The following ZMIZ1 variants were observed in gnomAD, a reference collection of about 807,000 sequenced individuals.
ZMIZ1 encodes zinc finger MIZ domain-containing protein 1.
A neutral mutation model predicts 113.9 loss-of-function variants in ZMIZ1; 17 were observed. That is an observed-to-expected ratio of 0.15 (90% CI 0.10 to 0.22). ZMIZ1 has a LOEUF of 0.22. Ranked by LOEUF, ZMIZ1 falls within the 10% of genes least tolerant of loss-of-function variation. The pLI is 1.00. For missense variants in ZMIZ1, 1,059 were observed against 1,477.8 expected (o/e 0.72, Z 4.65); for synonymous variants, 607 against 603.1 (o/e 1.01, Z -0.09).
chr10:79,240,636 A>ATTTTTTTTTTTTTTTTTTT (rs1589466733), intron 7 of ZMIZ1, among the ~76,000 whole-genome samples: 1 of 78,542 alleles, frequency 1.3e-5, no homozygotes, highest in African/African-American at 6.7e-5. Flanking sequence ...AAGAGTATTT[A>ATTTTTTTTTTTTTTTTTTT]TCTTTTTTTT....
In ZMIZ1 at chr10:79,298,458, A is replaced by G; in HGVS notation, c.1544A>G (p.Asn515Ser). ...TACCCCCACTCACCTGTTCCAGGGA[A>G]CCCCACACCCCCCATGACCCCTGGG... ...ANYPHSPVPG[N>S]PTPPMTPGSS... The change falls in exon 15 of 25, where the codon AAC becomes AGC. Residue 515 changes from asparagine (N) to serine (S), a missense_variant. Asn to Ser is a conservative substitution (Grantham distance 46). Around this residue, in one of 6 missense-constraint regions of ZMIZ1, gnomAD observed 239 missense variants for 247.5 expected, o/e 0.97. Coordinates refer to ENST00000334512, the MANE Select transcript of ZMIZ1 (RefSeq NM_020338.4). The G allele has an allele frequency of 6.2e-7, 1 of 1,607,138 alleles. No homozygotes were observed. The highest frequency in any genetic ancestry group is 8.5e-7 in the Non-Finnish European group (1 of 1,177,026).
At chr10:79,240,030 ATTT>A (rs1849749585) in intron 7 of ZMIZ1, among the ~76,000 whole-genome samples, 1 of 152,078 alleles carries the variant, frequency 6.6e-6, no homozygotes, top group Non-Finnish European at 1.5e-5. Flanking sequence ...CAGCGCCGTG[ATTT>A]ATCGGCGGCT....
At chr10:79,147,074 C>T (rs567093668) in intron 3 of ZMIZ1, among the ~76,000 whole-genome samples, 4 of 152,224 alleles carry the variant, frequency 2.6e-5, no homozygotes, top group South Asian at 4.1e-4. Flanking sequence ...GCCAGGAGGC[C>T]GTGACACAGA....
chr10:79,176,160 A>G (rs1298543996), intron 4 of ZMIZ1, among the ~76,000 whole-genome samples: 1 of 151,968 alleles, frequency 6.6e-6, no homozygotes, highest in Admixed American at 6.5e-5. Context: ...ACGGGCCAGG[A>G]TGACATTCCA....
chr10:79,081,773 T>G (rs778568805), intron 1 of ZMIZ1, among the ~76,000 whole-genome samples: 1 of 152,220 alleles, frequency 6.6e-6, no homozygotes, highest in South Asian at 2.1e-4. Context: ...TCTGGCCTCC[T>G]CCTGCCAGCA....
intron 4 of ZMIZ1, among the ~76,000 whole-genome samples, chr10:79,171,045 C>T (rs1437776265): frequency 6.6e-6 from 1 of 152,242 alleles, no homozygotes; most frequent in Non-Finnish European, 1.5e-5. Flanking sequence ...CCCTCCCAGC[C>T]CATGGGTCCT....
chr10:79,100,056 T>C (rs1396378144), intron 1 of ZMIZ1, among the ~76,000 whole-genome samples: 2 of 152,088 alleles, frequency 1.3e-5, no homozygotes, highest in Non-Finnish European at 2.9e-5. Flanking sequence ...AGCACATCTC[T>C]TGTTGAATGC....
At chr10:79,214,519 A>G (rs890182927) in intron 6 of ZMIZ1, among the ~76,000 whole-genome samples, 1 of 152,144 alleles carries the variant, frequency 6.6e-6, no homozygotes, top group Admixed American at 6.5e-5. Context: ...GTTGTTTTAA[A>G]TTGGCCTAGG....
In ZMIZ1 at chr10:79,291,021, G is replaced by A. The variant is rs745339623; in HGVS notation, c.603G>A (p.Ala201=). 2.0e-5 allele frequency: 32 copies of A among 1,614,248 alleles called. No individual in the cohort carries two copies. Among genetic ancestry groups the A allele is most frequent in the East Asian group, 1.6e-4 (7 of 44,888 alleles). ...TGAATCCAGGCGGCAACCCCATGGC[G>A]TCGGGCATGACCACCAGCAACCCAG... ...NPMNPGGNPM[A]SGMTTSNPGL... Residue 201 remains alanine, a synonymous_variant, in exon 10 of 25, where the codon GCG becomes GCA. Transcript: ENST00000334512.
intron 8 of ZMIZ1, among the ~76,000 whole-genome samples, chr10:79,284,203 C>T (rs751678933): frequency 1.2e-4 from 19 of 152,136 alleles, no homozygotes; most frequent in Admixed American, 2.6e-4. Flanking sequence ...GATCATTGCC[C>T]GTGGAGCTGG....
rs1010607676 is a variant in ZMIZ1 at position 79,175,427 on chromosome 10, G to A, written c.-50+13294G>A. Among the ~76,000 whole-genome samples the A allele has an allele frequency of 6.6e-5, 10 of 152,270 alleles. No individual in the cohort carries two copies. The East Asian group carries it at 1.5e-3, about 24-fold the overall frequency. ...CCCATTTTTGTCTGTCTGGCATCGTGTCTCTCACTTGGGTTTGTCCTGCCC... is the reference window on the plus strand; with the variant it reads ...CCCATTTTTGTCTGTCTGGCATCGTATCTCTCACTTGGGTTTGTCCTGCCC... On this transcript the variant is annotated intron_variant, in intron 4 of 24. Transcript: ENST00000334512.
intron 7 of ZMIZ1, among the ~76,000 whole-genome samples, chr10:79,266,267 A>G (rs1851596102): frequency 6.6e-6 from 1 of 152,182 alleles, no homozygotes; most frequent in South Asian, 2.1e-4. Flanking sequence ...TCCTGGGGAT[A>G]TGCCTGCTCT....
At chr10:79,103,817 C>T (rs1843455236) in intron 1 of ZMIZ1, among the ~76,000 whole-genome samples, 1 of 152,100 alleles carries the variant, frequency 6.6e-6, no homozygotes, top group South Asian at 2.1e-4. Context: ...GGATGAGGAC[C>T]TTCCGGTCCC....
chr10:79,278,543 G>A (rs199596389), intron 8 of ZMIZ1, among the ~76,000 whole-genome samples: 128 of 151,926 alleles, frequency 8.4e-4, no homozygotes, highest in East Asian at 7.3e-3. Context: ...AGATAAACAC[G>A]TGAACAAAGG....
At chr10:79,308,103 C>G (rs1011271980) in intron 23 of ZMIZ1, among the ~76,000 whole-genome samples, 10 of 152,194 alleles carry the variant, frequency 6.6e-5, no homozygotes, top group African/African-American at 2.4e-4. Flanking sequence ...GAGGACGTCC[C>G]TGGTGGGGTA....
At chr10:79,145,906 C>G (rs1845462338) in intron 3 of ZMIZ1, among the ~76,000 whole-genome samples, 1 of 152,186 alleles carries the variant, frequency 6.6e-6, no homozygotes, top group Admixed American at 6.5e-5. Context: ...CAAGGTCTCA[C>G]TATGTTGCCC....
At position 79,290,166 on chromosome 10, in the gene ZMIZ1, T is replaced by C. The variant is rs1285780056; in HGVS notation, c.540+277T>C. 1.3e-5 allele frequency among the ~76,000 whole-genome samples: 2 copies of C among 152,202 alleles called. 1 individual carries two copies. Among genetic ancestry groups the C allele is most frequent in the East Asian group, 3.8e-4 (2 of 5,196 alleles). On this transcript the variant is annotated intron_variant, in intron 9 of 24. Transcript: ENST00000334512. ...AGGGGTTCTTCCCTAGCCCATTTGC[T>C]CTGGTAAACAGGAGAACTTCCTCTG... is the stretch of plus-strand genomic sequence containing the variant.
chr10:79,083,209 T>G (rs1842715310), intron 1 of ZMIZ1, among the ~76,000 whole-genome samples: 1 of 152,188 alleles, frequency 6.6e-6, no homozygotes, highest in South Asian at 2.1e-4. Context: ...GTGATGGGGC[T>G]TCTTTAGGTG....
At chr10:79,280,548 T>TA (rs1299486824) in intron 8 of ZMIZ1, among the ~76,000 whole-genome samples, 1 of 150,186 alleles carries the variant, frequency 6.7e-6, no homozygotes, top group Non-Finnish European at 1.5e-5. Context: ...GTGCTGGGAT[T>TA]ACAGGCATGC....
Sources: gnomAD v4.1 joint callset for allele counts (sites outside exome capture counted in the v4.1 genomes callset) on GRCh38, gnomAD v4.1.1 for gene constraint, gnomAD v4.1.1 regional missense constraint, MANE v1.5 for transcripts, NCBI Gene and HGNC (gene_info 2026-07-23, HGNC 2026-07-21) for gene names.